Variants in DEUP1 observed in about 807,000 individuals in gnomAD.
The protein encoded by DEUP1 is coiled-coil domain containing 67.
In DEUP1, 82 loss-of-function variants were observed where a neutral mutation model predicts 87.4. The ratio of observed to expected loss-of-function variants is 0.94; its 90% CI spans 0.78 to 1.13. The LOEUF is 1.13. Among genes scored for constraint, DEUP1 ranks in the 50% most tolerant of loss-of-function variants. The probability of loss-of-function intolerance (pLI) is 0.00; values close to 1 mark genes in which losing one functional copy is unlikely to be tolerated. For synonymous variants in DEUP1, 214 were observed against 222.7 expected, an observed-to-expected ratio of 0.96 and a Z score of 0.35; for missense variants, 663 against 681.5, an observed-to-expected ratio of 0.97 and a Z score of 0.30.
chr11:93,368,302 A>T (rs888506330), intron 5 of DEUP1, among the ~76,000 whole-genome samples: 1 of 152,238 alleles, frequency 6.6e-6, no homozygotes, highest in African/African-American at 2.4e-5. Flanking sequence ...AACAACAGAC[A>T]TTTATTTTTC....
intron 13 of DEUP1, among the ~76,000 whole-genome samples, chr11:93,431,353 T>A (rs1591279000): frequency 6.6e-6 from 1 of 151,994 alleles, no homozygotes; most frequent in Non-Finnish European, 1.5e-5. Flanking sequence ...TTGGCAGGCA[T>A]GAGAACCAGA....
intron 5 of DEUP1, among the ~76,000 whole-genome samples, chr11:93,365,239 G>A (rs1945356286): frequency 1.3e-5 from 2 of 151,872 alleles, no homozygotes; most frequent in South Asian, 2.1e-4. Flanking sequence ...CCCTAAAATC[G>A]GCTTATTATA....
intron 5 of DEUP1, among the ~76,000 whole-genome samples, chr11:93,368,288 C>T (rs1486191374): frequency 6.6e-6 from 1 of 152,234 alleles, no homozygotes; most frequent in Non-Finnish European, 1.5e-5. Context: ...GACTGGGTGG[C>T]ATAAACAACA....
intron 2 of DEUP1, among the ~76,000 whole-genome samples, chr11:93,351,029 CAT>C (rs776310700): frequency 3.4e-5 from 5 of 146,534 alleles, no homozygotes; most frequent in East Asian, 3.9e-4. Flanking sequence ...TTTTAATAAA[CAT>C]ATATTATATT....
intron 5 of DEUP1, among the ~76,000 whole-genome samples, chr11:93,369,504 A>G (rs578044497): frequency 3.4e-4 from 52 of 152,264 alleles, no homozygotes; most frequent in African/African-American, 1.1e-3. Context: ...AGTATTTGTT[A>G]TAAGACAGAC....
chr11:93,369,372 A>G (rs1357650006), intron 5 of DEUP1, among the ~76,000 whole-genome samples: 2 of 152,114 alleles, frequency 1.3e-5, no homozygotes, highest in Non-Finnish European at 2.9e-5. Context: ...TAAAAAAACA[A>G]GAGGAGAAAT....
intron 2 of DEUP1, among the ~76,000 whole-genome samples, chr11:93,351,413 C>T (rs1335042961): frequency 6.6e-6 from 1 of 152,162 alleles, no homozygotes; most frequent in Non-Finnish European, 1.5e-5. Context: ...TGGTACTATA[C>T]TAGGCTCTGG....
intron 11 of DEUP1, among the ~76,000 whole-genome samples, chr11:93,407,901 C>T (rs181354899): frequency 9.3e-5 from 14 of 150,998 alleles, no homozygotes; most frequent in Non-Finnish European, 1.9e-4. Context: ...TCTGCACCAA[C>T]CTAAATAGAT....
intron 2 of DEUP1, among the ~76,000 whole-genome samples, chr11:93,337,020 T>C (rs1410031080): frequency 6.6e-6 from 1 of 152,238 alleles, no homozygotes; most frequent in Non-Finnish European, 1.5e-5. Flanking sequence ...CTGTGACTTT[T>C]ATCTTAGCCA....
At chr11:93,370,253 C>A (rs12282978) in intron 6 of DEUP1, 67 bp downstream of exon 6, 1 of 833,234 alleles carries the variant, frequency 1.2e-6, no homozygotes, top group Non-Finnish European at 1.9e-6. Flanking sequence ...TTACCATTCA[C>A]CAGTAATCTA....
intron 12 of DEUP1, among the ~76,000 whole-genome samples, chr11:93,413,535 C>A (rs990143194): frequency 6.6e-6 from 1 of 152,206 alleles, no homozygotes. Flanking sequence ...AGCCACTGGG[C>A]CCAGCCTCTT....
chr11:93,402,968 T>A (rs1274256783), intron 11 of DEUP1, among the ~76,000 whole-genome samples: 1 of 151,948 alleles, frequency 6.6e-6, no homozygotes, highest in Non-Finnish European at 1.5e-5. Flanking sequence ...CATATATGTA[T>A]GATCTATTAT....
At chr11:93,340,786 A>G (rs1944030107) in intron 2 of DEUP1, among the ~76,000 whole-genome samples, 1 of 152,222 alleles carries the variant, frequency 6.6e-6, no homozygotes, top group Non-Finnish European at 1.5e-5. Flanking sequence ...CTTTTGGCCT[A>G]ACAGCTGGAA....
intron 8 of DEUP1, among the ~76,000 whole-genome samples, chr11:93,388,185 T>G (rs1465623964): frequency 6.6e-6 from 1 of 152,046 alleles, no homozygotes; most frequent in Non-Finnish European, 1.5e-5. Flanking sequence ...CATATTTGGG[T>G]TTTTTATTTG....
chr11:93,347,170 G>T (rs1944391746), intron 2 of DEUP1, among the ~76,000 whole-genome samples: 1 of 152,070 alleles, frequency 6.6e-6, no homozygotes, highest in South Asian at 2.1e-4. Flanking sequence ...TGTGATGTTG[G>T]CTCTGATTAT....
At chr11:93,354,178 C>G (rs1391161108) in intron 2 of DEUP1, among the ~76,000 whole-genome samples, 1 of 152,152 alleles carries the variant, frequency 6.6e-6, no homozygotes, top group Non-Finnish European at 1.5e-5. Context: ...CTCTCAAGTT[C>G]AAAGTTCCAC....
chr11:93,396,320 T>A lies in DEUP1; in HGVS notation c.1321T>A (p.Tyr441Asn). ...GMMGDLDPGE[Y>N]MSMDFTNREQ... is the part of the protein sequence containing the mutation. ...GATGGGAGATTTAGACCCCGGAGAA[T>A]ACATGGTAATATGCTGACATCATTC... The change falls in exon 11 of 14, where the codon TAC becomes AAC. Residue 441 changes from tyrosine to asparagine, a missense_variant. By Grantham distance (143) the Tyr-to-Asn change is moderately radical. Coordinates refer to ENST00000298050, the MANE Select transcript of DEUP1 (RefSeq NM_181645.4). The A allele has an allele frequency of 6.5e-7, 1 of 1,529,822 alleles. No homozygotes were observed. Among genetic ancestry groups the A allele is most frequent in the Admixed American group, 1.9e-5 (1 of 53,050 alleles). 94.8% of individuals were successfully genotyped at this position (1,529,822 alleles called of 1,614,324 possible).
At chr11:93,405,740 A>G (rs879513016) in intron 11 of DEUP1, among the ~76,000 whole-genome samples, 2 of 152,084 alleles carry the variant, frequency 1.3e-5, no homozygotes, top group Non-Finnish European at 2.9e-5. Flanking sequence ...TCAATGTGCA[A>G]TTAGTCAAAA....
intron 2 of DEUP1, among the ~76,000 whole-genome samples, chr11:93,344,571 C>T (rs185504716): frequency 6.0e-4 from 92 of 152,090 alleles, no homozygotes; most frequent in Middle Eastern, 3.4e-3. Flanking sequence ...CCCTCTCCCA[C>T]GCTCCACACC....
Sources: gnomAD v4.1 joint callset for allele counts (sites outside exome capture counted in the v4.1 genomes callset) on GRCh38, gnomAD v4.1.1 for gene constraint, MANE v1.5 for transcripts, NCBI Gene and HGNC (gene_info 2026-07-23, HGNC 2026-07-21) for gene names.